Variants in LIN7A observed in about 807,000 individuals in gnomAD.
LIN7A encodes protein lin-7 homolog A.
A neutral mutation model predicts 29.8 loss-of-function variants in LIN7A; 25 were observed. The ratio of observed to expected loss-of-function variants is 0.84; its 90% confidence interval spans 0.61 to 1.17. The LOEUF is 1.17. LIN7A is among the 50% of genes most tolerant of loss of function. LIN7A has a pLI of 0.00. For synonymous variants in LIN7A, 118 were observed against 107.5 expected (o/e 1.10, Z -0.60); for missense variants, 239 against 287.0 (o/e 0.83, Z 1.21).
At chr12:80,821,341 A>G (rs150777463) in intron 4 of LIN7A, among the ~76,000 whole-genome samples, 1 of 152,336 alleles carries the variant, frequency 6.6e-6, no homozygotes, top group East Asian at 1.9e-4. Context: ...AAGTCACCCA[A>G]GACACAAGAT....
At chr12:80,860,517 G>A (rs1394750006) in intron 2 of LIN7A, among the ~76,000 whole-genome samples, 1 of 152,224 alleles carries the variant, frequency 6.6e-6, no homozygotes. Flanking sequence ...TGTCTGTTCT[G>A]ATAGAGATCA....
chr12:80,812,496 T>G (rs1333862807), intron 4 of LIN7A, among the ~76,000 whole-genome samples: 1 of 150,136 alleles, frequency 6.7e-6, no homozygotes, highest in Non-Finnish European at 1.5e-5. Flanking sequence ...AAAAACAGTT[T>G]CAGTATGTGA....
chr12:80,826,995 G>C (rs1332352613), intron 4 of LIN7A, among the ~76,000 whole-genome samples: 1 of 152,178 alleles, frequency 6.6e-6, no homozygotes, highest in Non-Finnish European at 1.5e-5. Flanking sequence ...AATCTGAAGA[G>C]GGCTGACTTT....
intron 4 of LIN7A, among the ~76,000 whole-genome samples, chr12:80,827,698 T>C (rs991776855): frequency 6.6e-6 from 1 of 152,140 alleles, no homozygotes; most frequent in Non-Finnish European, 1.5e-5. Context: ...ATTCCCTCAG[T>C]GTAGAATGTC....
Position 80,807,079 on chromosome 12 carries a change from T to TTTTTG in LIN7A, c.*4385_*4386insCAAAA, listed in dbSNP as rs571162742. Among the ~76,000 whole-genome samples the TTTTTG allele has an allele frequency of 5.1e-4, 67 of 131,958 alleles. 3 individuals carry two copies. Among genetic ancestry groups the TTTTTG allele is most frequent in the Non-Finnish European group, 8.9e-4 (56 of 62,934 alleles). The allele number at this position is 131,958 out of a possible 152,430, so 86.6% of individuals were successfully genotyped here. A position where few individuals can be genotyped will look rare whatever the true frequency, so the allele number is the denominator to read the frequency against. On this transcript the variant is annotated intron_variant, in intron 5 of 5. Coordinates refer to ENST00000552864, the MANE Select transcript of LIN7A (RefSeq NM_004664.4). ...GAAGATGGAGTTTTTTTTTTTTTTT[T>TTTTTG]TTTTTTTTTTTTGACGGAGTCTCGC... is the stretch of plus-strand genomic sequence containing the variant.
At chr12:80,890,983 C>T (rs1387523811) in intron 1 of LIN7A, among the ~76,000 whole-genome samples, 3 of 151,978 alleles carry the variant, frequency 2.0e-5, no homozygotes, top group Admixed American at 6.6e-5. Flanking sequence ...CCCTAAAACT[C>T]GCTCTTCTTT....
chr12:80,829,698 T>C (rs1471578843), intron 4 of LIN7A, among the ~76,000 whole-genome samples: 2 of 152,166 alleles, frequency 1.3e-5, no homozygotes, highest in Non-Finnish European at 2.9e-5. Flanking sequence ...GAAAATGAAA[T>C]GAGTTGGCTT....
intron 4 of LIN7A, among the ~76,000 whole-genome samples, chr12:80,837,427 G>A (rs557681700): frequency 1.4e-4 from 21 of 152,154 alleles, no homozygotes; most frequent in South Asian, 8.3e-4. Flanking sequence ...GAGATTTGGC[G>A]CAGAGAAGAA....
intron 5 of LIN7A, among the ~76,000 whole-genome samples, chr12:80,807,096 G>T (rs1871077590): frequency 1.2e-4 from 1 of 8,622 alleles, no homozygotes; most frequent in South Asian, 1.6e-3. Context: ...TTTTTTGACG[G>T]AGTCTCGCTC....
intron 1 of LIN7A, among the ~76,000 whole-genome samples, chr12:80,918,904 T>A (rs551034087): frequency 6.6e-6 from 1 of 152,310 alleles, no homozygotes; most frequent in Non-Finnish European, 1.5e-5. Flanking sequence ...CACTGTACCT[T>A]TTCTATATTC....
chr12:80,924,613 A>T (rs1239986199), intron 1 of LIN7A, among the ~76,000 whole-genome samples: 1 of 152,164 alleles, frequency 6.6e-6, no homozygotes. Context: ...GATAGACAGG[A>T]CTGGGACTCA....
intron 1 of LIN7A, among the ~76,000 whole-genome samples, chr12:80,893,033 A>G (rs1875707224): frequency 6.6e-6 from 1 of 152,188 alleles, no homozygotes; most frequent in Non-Finnish European, 1.5e-5. Context: ...AGACCCCGGA[A>G]TATGCCTTTT....
At chr12:80,837,840 C>A (rs1354378939) in intron 4 of LIN7A, among the ~76,000 whole-genome samples, 3 of 150,558 alleles carry the variant, frequency 2.0e-5, no homozygotes, top group Admixed American at 6.6e-5. Flanking sequence ...CATCATCATC[C>A]TCATCATCAT....
intron 5 of LIN7A, among the ~76,000 whole-genome samples, chr12:80,807,079 T>TTTTGTTTGTTTG (rs1871056991): frequency 7.6e-6 from 1 of 131,916 alleles, no homozygotes; most frequent in Non-Finnish European, 1.6e-5. Context: ...TTTTTTTTTT[T>TTTTGTTTGTTTG]TTTTTTTTTT....
chr12:80,931,950 A>G (rs530112185), intron 1 of LIN7A, among the ~76,000 whole-genome samples: 12 of 152,306 alleles, frequency 7.9e-5, no homozygotes, highest in African/African-American at 2.9e-4. Context: ...CCTAATTTTT[A>G]TTTTCCTTCT....
chr12:80,893,194 G>C (rs755401702), intron 1 of LIN7A, among the ~76,000 whole-genome samples: 1 of 152,094 alleles, frequency 6.6e-6, no homozygotes, highest in African/African-American at 2.4e-5. Context: ...TGTGTAACAT[G>C]GTGCTGAATG....
chr12:80,879,720 G>T (rs1276984730), intron 2 of LIN7A, among the ~76,000 whole-genome samples: 1 of 147,554 alleles, frequency 6.8e-6, no homozygotes, highest in Admixed American at 6.8e-5. Flanking sequence ...GGAAAATATC[G>T]GTGTTATTTT....
At chr12:80,821,466 A>G (rs775976922) in intron 4 of LIN7A, among the ~76,000 whole-genome samples, 1 of 152,166 alleles carries the variant, frequency 6.6e-6, no homozygotes, top group Non-Finnish European at 1.5e-5. Flanking sequence ...GTAAATCATA[A>G]TCTTTTTGCG....
chr12:80,829,743 T>G (rs1370450572), intron 4 of LIN7A, among the ~76,000 whole-genome samples: 4 of 152,186 alleles, frequency 2.6e-5, no homozygotes, highest in Middle Eastern at 3.2e-3. Flanking sequence ...CTGTTGATCT[T>G]ATCCCCCTTC....
Sources: allele counts gnomAD v4.1 joint callset (sites outside exome capture counted in the v4.1 genomes callset), GRCh38; gene constraint gnomAD v4.1.1; transcripts MANE v1.5; gene names NCBI Gene and HGNC (gene_info 2026-07-23, HGNC 2026-07-21).